EDA: variants seen among roughly 807,000 people sequenced by gnomAD.
The protein encoded by EDA is ectodysplasin A, also known as ectodysplasin-A.
EDA carries 2 observed loss-of-function variants against 23.6 expected under a neutral mutation model. The observed-to-expected ratio is 0.08, with a 90% CI of 0.03 to 0.27. EDA has a LOEUF of 0.27. Among genes scored for constraint, EDA ranks in the 10% least tolerant of loss-of-function variants. EDA has a pLI of 1.00. For missense variants in EDA, 229 were observed against 324.2 expected, an observed-to-expected ratio of 0.71 and a Z score of 2.26; for synonymous variants, 131 against 132.0, an observed-to-expected ratio of 0.99 and a Z score of 0.05.
chrX:69,677,590 C>T (rs1262550020), intron 1 of EDA, among the ~76,000 whole-genome samples: 1 of 112,847 alleles, frequency 8.9e-6, no homozygotes, highest in Non-Finnish European at 1.9e-5. Flanking sequence ...TGATGGTGAG[C>T]ATTTTTCATG....
intron 1 of EDA, among the ~76,000 whole-genome samples, chrX:69,944,333 T>C (rs1285244647): frequency 8.9e-6 from 1 of 112,443 alleles, no homozygotes; most frequent in African/African-American, 3.2e-5. Context: ...TGTTGAGTAC[T>C]GCCTGGCTAC....
intron 1 of EDA, among the ~76,000 whole-genome samples, chrX:69,841,910 G>C (rs1045051597): frequency 1.8e-5 from 2 of 112,123 alleles, no homozygotes; most frequent in Admixed American, 1.9e-4. Context: ...TAAAGCTAAA[G>C]AAAAGTATAA....
At chrX:69,619,034 T>A (rs1272718924) in intron 1 of EDA, among the ~76,000 whole-genome samples, 1 of 112,303 alleles carries the variant, frequency 8.9e-6, no homozygotes, top group Middle Eastern at 4.2e-3. Flanking sequence ...ATTTTCAGTA[T>A]CTGCTGACAC....
chrX:69,889,365 G>T (rs995364241), intron 1 of EDA, among the ~76,000 whole-genome samples: 1 of 110,285 alleles, frequency 9.1e-6, no homozygotes, highest in African/African-American at 3.3e-5. Context: ...GCCCAGGCTG[G>T]TCTTGAACTC....
intron 1 of EDA, among the ~76,000 whole-genome samples, chrX:69,828,341 C>G (rs975469793): frequency 2.0e-4 from 23 of 112,319 alleles, no homozygotes; most frequent in Non-Finnish European, 1.9e-5. Flanking sequence ...GCTGTGCTAG[C>G]AATCAGCGAG....
intron 4 of EDA, 101 bp downstream of exon 4, chrX:70,028,137 G>A: frequency 8.8e-7 from 1 of 1,135,415 alleles, no homozygotes; most frequent in Non-Finnish European, 1.2e-6. Flanking sequence ...TGGAGATGGG[G>A]TTGGTGTGCA....
intron 1 of EDA, among the ~76,000 whole-genome samples, chrX:69,789,195 C>T (rs1295786470): frequency 5.4e-5 from 6 of 111,869 alleles, no homozygotes; most frequent in Non-Finnish European, 1.1e-4. Context: ...CACTGTCTCG[C>T]ACTCCCTAGT....
At chrX:69,687,825 G>A (rs2147293339) in intron 1 of EDA, among the ~76,000 whole-genome samples, 1 of 111,830 alleles carries the variant, frequency 8.9e-6, no homozygotes, top group South Asian at 3.8e-4. Context: ...AAAAGTAAGT[G>A]TAAAACAGTG....
At chrX:69,887,149 A>G (rs1310946917) in intron 1 of EDA, among the ~76,000 whole-genome samples, 1 of 111,237 alleles carries the variant, frequency 9.0e-6, no homozygotes, top group African/African-American at 3.3e-5. Flanking sequence ...CCTCATCTCT[A>G]CAAAAATAAT....
intron 6 of EDA, among the ~76,000 whole-genome samples, chrX:70,032,831 A>G (rs1489276991): frequency 8.9e-6 from 1 of 111,848 alleles, no homozygotes; most frequent in African/African-American, 3.3e-5. Flanking sequence ...AATCATCTCT[A>G]ATCCCTAAGG....
chrX:69,980,487 G>A (rs1602582593), intron 2 of EDA, among the ~76,000 whole-genome samples: 1 of 111,866 alleles, frequency 8.9e-6, no homozygotes, highest in South Asian at 3.7e-4. Flanking sequence ...AGAATTCGTC[G>A]GAGCTGATTA....
At chrX:69,837,238 A>T (rs970912380) in intron 1 of EDA, among the ~76,000 whole-genome samples, 3 of 111,735 alleles carry the variant, frequency 2.7e-5, no homozygotes, top group Non-Finnish European at 5.6e-5. Context: ...CTACACAGTT[A>T]AACCCACAAT....
intron 1 of EDA, among the ~76,000 whole-genome samples, chrX:69,745,666 T>C (rs2013595715): frequency 9.0e-6 from 1 of 111,656 alleles, no homozygotes; most frequent in Non-Finnish European, 1.9e-5. Flanking sequence ...CTCCAGAAAA[T>C]TCAATCATAA....
chrX:69,903,387 A>G (rs749496992), intron 1 of EDA, among the ~76,000 whole-genome samples: 6 of 111,353 alleles, frequency 5.4e-5, no homozygotes, highest in Non-Finnish European at 9.4e-5. Flanking sequence ...AATTATTCCA[A>G]TGAAAAAAAT....
chrX:69,887,476 G>A (rs1416134132), intron 1 of EDA, among the ~76,000 whole-genome samples: 2 of 111,512 alleles, frequency 1.8e-5, no homozygotes, highest in African/African-American at 6.5e-5. Context: ...TCATACAGAA[G>A]AATTAGCACA....
intron 1 of EDA, among the ~76,000 whole-genome samples, chrX:69,869,547 C>T (rs771176944): frequency 3.6e-4 from 40 of 111,563 alleles, no homozygotes; most frequent in African/African-American, 1.1e-3. Flanking sequence ...GGTCTGTAAA[C>T]GGGCTCAAGT....
At chrX:69,642,677 C>T (rs925047047) in intron 1 of EDA, among the ~76,000 whole-genome samples, 2 of 111,570 alleles carry the variant, frequency 1.8e-5, no homozygotes, top group Non-Finnish European at 3.8e-5. Context: ...CTCCTTTCAA[C>T]ACCTCTTTAG....
chrX:69,935,811 A>C (rs1238373491), intron 1 of EDA, among the ~76,000 whole-genome samples: 1 of 109,795 alleles, frequency 9.1e-6, no homozygotes, highest in Non-Finnish European at 1.9e-5. Context: ...TTTTGTCAAT[A>C]TATGTAAAAT....
chrX:70,017,168 A>G (rs2019963055), intron 2 of EDA, among the ~76,000 whole-genome samples: 1 of 112,029 alleles, frequency 8.9e-6, no homozygotes, highest in Admixed American at 9.4e-5. Flanking sequence ...GAAGAAATTG[A>G]ATCCCTGAAC....
Sources: allele counts gnomAD v4.1 joint callset (sites outside exome capture counted in the v4.1 genomes callset), GRCh38; gene constraint gnomAD v4.1.1; transcripts MANE v1.5; gene names NCBI Gene and HGNC (gene_info 2026-07-23, HGNC 2026-07-21).